The following GAS2L3 variants were observed in gnomAD, a reference collection of about 807,000 sequenced individuals.
The protein encoded by GAS2L3 is GAS2-like protein 3.
In GAS2L3, 28 loss-of-function variants were observed where a neutral mutation model predicts 37.0. The observed-to-expected ratio is 0.76, with a 90% CI of 0.56 to 1.04. The LOEUF (loss-of-function observed/expected upper bound fraction) is 1.04, where lower values mean the gene tolerates loss of function less well. Ranked by LOEUF, GAS2L3 falls within the 50% of genes least tolerant of loss-of-function variation. The pLI is 0.00. For synonymous variants in GAS2L3, 290 were observed against 296.6 expected, an observed-to-expected ratio of 0.98 and a Z score of 0.23; for missense variants, 793 against 817.6, an observed-to-expected ratio of 0.97 and a Z score of 0.37.
In GAS2L3 at chr12:100,624,279, C is replaced by T. The variant is rs1413279944; in HGVS notation, c.1474C>T (p.His492Tyr). The T allele has an allele frequency of 9.3e-6, 15 of 1,613,916 alleles. No homozygotes were observed. Among genetic ancestry groups the T allele is most frequent in the Non-Finnish European group, 1.3e-5 (15 of 1,180,004 alleles). ...RDNAVSHLAA[H>Y]SNSSSKCPKL... ...TAATGCAGTATCTCACTTAGCTGCACATTCAAATTCATCCTCAAAATGTCC... is the reference window on the plus strand; with the variant it reads ...TAATGCAGTATCTCACTTAGCTGCATATTCAAATTCATCCTCAAAATGTCC... The change falls in exon 10 of 10, where the codon CAT (histidine) becomes TAT (tyrosine). Residue 492 changes from histidine to tyrosine, a missense_variant. Transcript: ENST00000547754.
At chr12:100,609,486 G>T (rs966343424) in intron 5 of GAS2L3, among the ~76,000 whole-genome samples, 1 of 152,140 alleles carries the variant, frequency 6.6e-6, no homozygotes, top group African/African-American at 2.4e-5. Context: ...TGCACCTTAT[G>T]GCTGCTGCCA....
At chr12:100,602,743 T>C (rs1956007497) in intron 5 of GAS2L3, among the ~76,000 whole-genome samples, 1 of 152,114 alleles carries the variant, frequency 6.6e-6, no homozygotes, top group Admixed American at 6.6e-5. Context: ...TTATTAATTC[T>C]TTCTAACTAT....
intron 3 of GAS2L3, among the ~76,000 whole-genome samples, chr12:100,598,542 G>A (rs962697939): frequency 1.3e-5 from 2 of 152,092 alleles, no homozygotes; most frequent in Non-Finnish European, 2.9e-5. Context: ...TTTCTGAACT[G>A]TAAAATTACT....
intron 1 of GAS2L3, among the ~76,000 whole-genome samples, chr12:100,576,416 ACTT>A (rs980880789): frequency 1.3e-5 from 2 of 152,156 alleles, no homozygotes; most frequent in African/African-American, 2.4e-5. Flanking sequence ...TGTGTATTTT[ACTT>A]CTTATTATTG....
chr12:100,589,703 C>T (rs565553566), intron 1 of GAS2L3, among the ~76,000 whole-genome samples: 23 of 152,222 alleles, frequency 1.5e-4, no homozygotes, highest in South Asian at 6.2e-4. Context: ...ACCAAAACAG[C>T]GTGGTACAGC....
At chr12:100,610,635 T>C (rs1342581622) in intron 5 of GAS2L3, among the ~76,000 whole-genome samples, 2 of 152,034 alleles carry the variant, frequency 1.3e-5, no homozygotes, top group South Asian at 2.1e-4. Context: ...GAACTGGTAA[T>C]AGTGGTTAAC....
chr12:100,594,690 G>C (rs2136438126), intron 2 of GAS2L3, 185 bp from the exon 3 acceptor site: 2 of 311,242 alleles, frequency 6.4e-6, no homozygotes, highest in Admixed American at 1.0e-4. Context: ...TTTCAAATGA[G>C]TAGTCCTTTA....
At position 100,589,217 on chromosome 12, in the gene GAS2L3, A is replaced by G. The variant is rs137931642; in HGVS notation, c.-151-2519A>G. Among the ~76,000 whole-genome samples, 234 of 152,324 alleles carry G rather than the reference A, an allele frequency of 1.5e-3. 2 individuals are homozygous for G. The East Asian group carries it at 0.024, about 16-fold the overall frequency. On this transcript the variant is annotated intron_variant, in intron 1 of 9. Coordinates refer to ENST00000547754, the MANE Select transcript of GAS2L3 (RefSeq NM_174942.3). ...TTAGGGTCCCTGACTTCCAGCAACAATAAAAATTCAGCAAGGTTTCTGGAT... is the reference window on the plus strand; with the variant it reads ...TTAGGGTCCCTGACTTCCAGCAACAGTAAAAATTCAGCAAGGTTTCTGGAT...
Position 100,618,598 on chromosome 12 carries a change from G to T in GAS2L3, c.648+11G>T. On this transcript the variant is annotated intron_variant, in intron 8 of 9. Transcript: ENST00000547754. ...GAGCTACATGAAGCTGTAAGTAGTT[G>T]CCACACTTTCTTTTGACCATGATAC... The T allele has an allele frequency of 1.2e-6, 2 of 1,600,604 alleles. No homozygotes were observed. Among genetic ancestry groups the T allele is most frequent in the Non-Finnish European group, 1.7e-6 (2 of 1,175,254 alleles).
intron 5 of GAS2L3, among the ~76,000 whole-genome samples, chr12:100,608,633 T>A (rs985233157): frequency 6.6e-6 from 1 of 152,150 alleles, no homozygotes; most frequent in Non-Finnish European, 1.5e-5. Flanking sequence ...GCCATTCTTC[T>A]GCCTCAGCCT....
At chr12:100,615,577 C>T (rs182442709) in intron 6 of GAS2L3, among the ~76,000 whole-genome samples, 384 of 151,938 alleles carry the variant, frequency 2.5e-3, no homozygotes, top group African/African-American at 8.7e-3. Context: ...TAATTAAAGT[C>T]ATATATATTT....
intron 6 of GAS2L3, among the ~76,000 whole-genome samples, 179 bp from the exon 7 acceptor site, chr12:100,617,565 A>T (rs934415334): frequency 6.6e-6 from 1 of 152,086 alleles, no homozygotes; most frequent in African/African-American, 2.4e-5. Flanking sequence ...TGTTTTTTTT[A>T]AACTAATTTG....
At chr12:100,576,465 A>G (rs993288067) in intron 1 of GAS2L3, among the ~76,000 whole-genome samples, 1 of 152,232 alleles carries the variant, frequency 6.6e-6, no homozygotes, top group Non-Finnish European at 1.5e-5. Context: ...ACCAGTACAT[A>G]TCTAATGAGT....
intron 3 of GAS2L3, 59 bp downstream of exon 3, chr12:100,594,981 A>G: frequency 1.3e-6 from 1 of 764,564 alleles, no homozygotes; most frequent in Non-Finnish European, 2.0e-6. Flanking sequence ...TTGAACTGTA[A>G]TAATTAGCAA....
chr12:100,602,841 G>A (rs956608924), intron 5 of GAS2L3, among the ~76,000 whole-genome samples: 3 of 151,880 alleles, frequency 2.0e-5, no homozygotes, highest in South Asian at 2.1e-4. Flanking sequence ...TACTATCTCC[G>A]TGAGTTCAAT....
intron 1 of GAS2L3, among the ~76,000 whole-genome samples, chr12:100,577,980 G>C (rs1447389560): frequency 1.3e-5 from 2 of 152,220 alleles, no homozygotes; most frequent in East Asian, 1.9e-4. Flanking sequence ...CTTGGTTAAG[G>C]AGTTTGGGCT....
rs145779919 is a variant in GAS2L3 at position 100,623,758 on chromosome 12, A to G, written c.953A>G (p.Asn318Ser). The G allele has an allele frequency of 3.1e-6, 5 of 1,614,080 alleles. No homozygotes were observed. Among genetic ancestry groups the G allele is most frequent in the South Asian group, 1.1e-5 (1 of 91,076 alleles). The change falls in exon 10 of 10, where the codon AAT becomes AGT. Residue 318 changes from asparagine (N) to serine (S), a missense_variant. Coordinates refer to ENST00000547754, the MANE Select transcript of GAS2L3 (RefSeq NM_174942.3). ...AGAACACCTCAGCCTCCTGAAATGA[A>G]TCCTTTGTCAGCAGTTAACATGTTT... ...PARTPQPPEM[N>S]PLSAVNMFQK... is the part of the protein sequence containing the mutation.
chr12:100,622,720 A>G (rs1956271273), intron 9 of GAS2L3, among the ~76,000 whole-genome samples: 1 of 148,532 alleles, frequency 6.7e-6, no homozygotes, highest in Admixed American at 6.8e-5. Flanking sequence ...AGAAAAACCA[A>G]AACATCTAAT....
chr12:100,598,570 A>AT (rs1475928826), intron 3 of GAS2L3, among the ~76,000 whole-genome samples: 3 of 152,054 alleles, frequency 2.0e-5, no homozygotes, highest in Non-Finnish European at 2.9e-5. Flanking sequence ...CCTTTGTAGT[A>AT]TTTTTTATGC....
Sources: allele counts gnomAD v4.1 joint callset (sites outside exome capture counted in the v4.1 genomes callset), GRCh38; gene constraint gnomAD v4.1.1; transcripts MANE v1.5; gene names NCBI Gene and HGNC (gene_info 2026-07-23, HGNC 2026-07-21).